EPHA10: variants seen among roughly 807,000 people sequenced by gnomAD.
EPHA10 encodes EPH receptor A10, also known as ephrin type-A receptor 10.
A neutral mutation model predicts 109.7 loss-of-function variants in EPHA10; 120 were observed. That is an observed-to-expected ratio of 1.09 (90% CI 0.94 to 1.27). The LOEUF (loss-of-function observed/expected upper bound fraction) is 1.27. Among genes scored for constraint, EPHA10 ranks in the 50% most tolerant of loss-of-function variants. EPHA10 has a pLI of 0.00. For missense variants in EPHA10, 1,396 were observed against 1,411.1 expected (o/e 0.99, Z 0.17); for synonymous variants, 640 against 618.9 (o/e 1.03, Z -0.51).
rs1048458147 is a variant in EPHA10, at chr1:37,752,275, T to C, written c.1357+601A>G. Among the ~76,000 whole-genome samples the C allele has an allele frequency of 6.6e-5, 10 of 152,234 alleles. No homozygotes were observed. The East Asian group carries it at 9.7e-4, about 15-fold the overall frequency. On this transcript the variant is annotated intron_variant, in intron 5 of 16. Transcript: ENST00000373048. ...CCAGACTCAGAGATGTATTGGCTGG[T>C]GTGTTCCATCGCCCCTACAGCCTAA... is the stretch of plus-strand genomic sequence containing the variant.
At chr1:37,723,579 C>T (rs567835617) in intron 8 of EPHA10, among the ~76,000 whole-genome samples, 1 of 152,212 alleles carries the variant, frequency 6.6e-6, no homozygotes, top group Non-Finnish European at 1.5e-5. Context: ...TAGACCAAAC[C>T]GTCACCACCA....
chr1:37,730,371 G>A (rs1645962130), intron 7 of EPHA10, among the ~76,000 whole-genome samples: 1 of 152,172 alleles, frequency 6.6e-6, no homozygotes, highest in African/African-American at 2.4e-5. Flanking sequence ...TGCCTCTTAG[G>A]GGGAACTGCC....
In EPHA10 at chr1:37,761,850, G is replaced by A; in HGVS notation, c.405C>T (p.Ala135=). The change falls in exon 3 of 17, where the codon GCC becomes GCT. Residue 135 remains alanine (A), a synonymous_variant. Transcript: ENST00000373048. ...TFNVYYLETE[A]DLGRGRPRLG... is the part of the protein sequence containing the mutation. Reference sequence around the variant, plus strand: ...GGCGGGGACGCCCACGGCCCAGGTCGGCCTCAGTTTCCAGGTAGTAGACGT... The same window carrying A: ...GGCGGGGACGCCCACGGCCCAGGTCAGCCTCAGTTTCCAGGTAGTAGACGT... 6.2e-7 allele frequency: 1 copy of A among 1,612,976 alleles called. No individual in the cohort carries two copies. The highest frequency in any genetic ancestry group is 8.5e-7 in the Non-Finnish European group (1 of 1,179,276).
At chr1:37,719,308 G>T in intron 15 of EPHA10, 106 bp downstream of exon 15, 1 of 1,318,088 alleles carries the variant, frequency 7.6e-7, no homozygotes, top group Non-Finnish European at 1.1e-6. Flanking sequence ...GTGAACAATT[G>T]CTCTTGGACA....
intron 5 of EPHA10, among the ~76,000 whole-genome samples, 200 bp from the exon 6 acceptor site, chr1:37,735,590 G>T (rs1265568111): frequency 1.3e-5 from 2 of 152,120 alleles, no homozygotes; most frequent in African/African-American, 4.8e-5. Context: ...CCAGAGGAAA[G>T]AAGCACCTCT....
At chr1:37,742,711 CA>C (rs1646172812) in intron 5 of EPHA10, among the ~76,000 whole-genome samples, 5 of 68,518 alleles carry the variant, frequency 7.3e-5, no homozygotes, top group African/African-American at 8.9e-5. Context: ...TAGGGCCCAG[CA>C]CTGTGGCTCA....
At chr1:37,725,251 T>C (rs1197175960) in intron 8 of EPHA10, among the ~76,000 whole-genome samples, 1 of 152,110 alleles carries the variant, frequency 6.6e-6, no homozygotes, top group Non-Finnish European at 1.5e-5. Flanking sequence ...ATACCTGTAA[T>C]CCCAGCACTT....
intron 3 of EPHA10, among the ~76,000 whole-genome samples, chr1:37,757,038 G>A (rs1427607249): frequency 6.6e-6 from 1 of 152,232 alleles, no homozygotes; most frequent in East Asian, 1.9e-4. Flanking sequence ...GTGTTGCCCA[G>A]GCTGATCTTG....
Position 37,732,512 on chromosome 1 carries a change from C to T in EPHA10, c.1492-930G>A, listed in dbSNP as rs1408373036. On this transcript the variant is annotated intron_variant, in intron 6 of 16. Coordinates refer to ENST00000373048, the MANE Select transcript of EPHA10 (RefSeq NM_001099439.2). ...TGACCATAGCATTCAGGAACTGGGA[C>T]GGACTTTGACCCAAGCTGGGCCAAT... Among the ~76,000 whole-genome samples the T allele has an allele frequency of 3.9e-5, 6 of 152,132 alleles. No homozygotes were observed. The South Asian group carries it at 6.2e-4, about 16-fold the overall frequency.
chr1:37,759,302 C>G (rs1646413450), intron 3 of EPHA10, among the ~76,000 whole-genome samples: 1 of 152,166 alleles, frequency 6.6e-6, no homozygotes, highest in African/African-American at 2.4e-5. Context: ...TCCCACACCC[C>G]CACATGCCCT....
intron 3 of EPHA10, among the ~76,000 whole-genome samples, chr1:37,760,063 G>C (rs1646418359): frequency 6.6e-6 from 1 of 152,134 alleles, no homozygotes; most frequent in Non-Finnish European, 1.5e-5. Flanking sequence ...AATTCATATT[G>C]GATGGATGAT....
chr1:37,749,343 T>C (rs1646288278), intron 5 of EPHA10, among the ~76,000 whole-genome samples: 1 of 152,100 alleles, frequency 6.6e-6, no homozygotes, highest in South Asian at 2.1e-4. Flanking sequence ...TTCCTTAACA[T>C]GGCTTCTAAA....
At chr1:37,763,918 G>T (rs1646454294) in intron 1 of EPHA10, among the ~76,000 whole-genome samples, 1 of 152,184 alleles carries the variant, frequency 6.6e-6, no homozygotes, top group Non-Finnish European at 1.5e-5. Context: ...GCTTTTGAAA[G>T]AATGTCTGGG....
At chr1:37,750,255 A>G (rs1646302802) in intron 5 of EPHA10, among the ~76,000 whole-genome samples, 1 of 152,202 alleles carries the variant, frequency 6.6e-6, no homozygotes, top group African/African-American at 2.4e-5. Flanking sequence ...CGTATGTGAG[A>G]TGTGTCACCC....
downstream of EPHA10, among the ~76,000 whole-genome samples, chr1:37,714,380 C>T (rs1645662977): frequency 6.6e-6 from 1 of 152,186 alleles, no homozygotes; most frequent in Non-Finnish European, 1.5e-5. Context: ...CATGCATGCG[C>T]ACTCAGGCCT....
rs35909785 is a variant in EPHA10, at chr1:37,719,497, G to A, written c.2673C>T (p.Pro891=). 0.021 allele frequency: 34,481 copies of A among 1,613,932 alleles called. 2,218 individuals carry two copies. The East Asian group carries it at 0.22, about 10-fold the overall frequency. The change falls in exon 15 of 17, where the codon CCC becomes CCT. Residue 891 remains proline, a synonymous_variant. Coordinates refer to ENST00000373048, the MANE Select transcript of EPHA10 (RefSeq NM_001099439.2). ...DCWQKDPGER[P]RFSQIHSILS... ...GGATGCTGTGGATCTGGGAGAACCT[G>A]GGCCGCTCACCTGGGTCCTTCTGCC...
intron 5 of EPHA10, among the ~76,000 whole-genome samples, chr1:37,749,882 A>G (rs1646296928): frequency 3.3e-5 from 5 of 152,206 alleles, no homozygotes; most frequent in Admixed American, 3.3e-4. Flanking sequence ...CCTGGGTGAC[A>G]GCATGTGACT....
chr1:37,756,366 C>T (rs886301999), intron 3 of EPHA10, among the ~76,000 whole-genome samples: 1 of 152,200 alleles, frequency 6.6e-6, no homozygotes, highest in Admixed American at 6.5e-5. Context: ...ATGCTGGAGG[C>T]TCCCTCCCCA....
chr1:37,733,152 C>T (rs775369798), intron 6 of EPHA10, among the ~76,000 whole-genome samples: 1 of 151,644 alleles, frequency 6.6e-6, no homozygotes, highest in Non-Finnish European at 1.5e-5. Flanking sequence ...CTTGGCCTCT[C>T]GAAGTGCTGG....
Sources: allele counts gnomAD v4.1 joint callset (sites outside exome capture counted in the v4.1 genomes callset), GRCh38; gene constraint gnomAD v4.1.1; transcripts MANE v1.5; gene names NCBI Gene and HGNC (gene_info 2026-07-23, HGNC 2026-07-21).